Variants in CNTNAP4 observed in about 807,000 individuals in gnomAD.
CNTNAP4 encodes contactin-associated protein-like 4.
CNTNAP4 carries 98 observed loss-of-function variants against 148.4 expected under a neutral mutation model. That is an observed-to-expected ratio of 0.66 (90% CI 0.56 to 0.78). CNTNAP4 has a LOEUF of 0.78. CNTNAP4 is among the 30% of genes least tolerant of loss of function. The pLI is 0.00. For missense variants in CNTNAP4, 1,935 were observed against 1,565.6 expected (o/e 1.24, Z -3.98); for synonymous variants, 730 against 565.1 (o/e 1.29, Z -4.14).
chr16:76,494,084 C>CT (rs35209511), intron 13 of CNTNAP4, among the ~76,000 whole-genome samples: 123,790 of 149,024 alleles, frequency 0.83, 52,165 homozygotes, highest in East Asian at 0.94. Context: ...TTCCTCCATA[C>CT]TTTTTTTTTT....
intron 4 of CNTNAP4, among the ~76,000 whole-genome samples, chr16:76,428,255 T>G (rs980482833): frequency 1.3e-5 from 2 of 152,260 alleles, no homozygotes; most frequent in Admixed American, 1.3e-4. Flanking sequence ...TCAAGCCACA[T>G]TATCCTGTTA....
intron 1 of CNTNAP4, among the ~76,000 whole-genome samples, chr16:76,312,576 A>C (rs1185102758): frequency 6.6e-6 from 1 of 152,196 alleles, no homozygotes; most frequent in Non-Finnish European, 1.5e-5. Flanking sequence ...AATGGGAAAT[A>C]AAAAAATAGC....
intron 3 of CNTNAP4, among the ~76,000 whole-genome samples, chr16:76,371,900 A>G (rs1011278833): frequency 3.9e-5 from 6 of 152,192 alleles, no homozygotes; most frequent in Admixed American, 3.3e-4. Context: ...TTCCAAACAC[A>G]ATCAAGTCAC....
Position 76,341,991 on chromosome 16 carries a change from G to A in CNTNAP4, c.197-13327G>A, listed in dbSNP as rs543642032. Reference sequence around the variant, plus strand: ...CATGACTTCTGATCTAGATGTTTTTGCTGATGAGTTTTCTCTCAGTTCATT... The same window carrying A: ...CATGACTTCTGATCTAGATGTTTTTACTGATGAGTTTTCTCTCAGTTCATT... On this transcript the variant is annotated intron_variant, in intron 2 of 23. Coordinates refer to ENST00000611870, the MANE Select transcript of CNTNAP4 (RefSeq NM_033401.5). Among the ~76,000 whole-genome samples, 3 of 152,290 alleles carry A rather than the reference G, an allele frequency of 2.0e-5. No homozygotes were observed. The South Asian group carries it at 6.2e-4, about 32-fold the overall frequency.
intron 12 of CNTNAP4, among the ~76,000 whole-genome samples, chr16:76,481,148 A>T (rs2081813107): frequency 6.6e-6 from 1 of 152,200 alleles, no homozygotes; most frequent in African/African-American, 2.4e-5. Context: ...TGAAGGAAAG[A>T]TGGTCTTTTC....
At chr16:76,347,746 T>A (rs924380025) in intron 2 of CNTNAP4, among the ~76,000 whole-genome samples, 4 of 152,108 alleles carry the variant, frequency 2.6e-5, no homozygotes, top group Non-Finnish European at 5.9e-5. Context: ...AAATGACTGA[T>A]GTTCAGTTTA....
At chr16:76,537,268 A>G (rs186149847) in intron 18 of CNTNAP4, among the ~76,000 whole-genome samples, 1 of 152,202 alleles carries the variant, frequency 6.6e-6, no homozygotes, top group African/African-American at 2.4e-5. Flanking sequence ...TAATGAAACA[A>G]TTAAAAACTC....
chr16:76,360,879 C>T (rs1052255072), intron 3 of CNTNAP4, among the ~76,000 whole-genome samples: 15 of 146,128 alleles, frequency 1.0e-4, no homozygotes, highest in Admixed American at 2.1e-4. Context: ...TGCAGTGGCA[C>T]GATCTCGGCT....
chr16:76,530,420 T>A (rs1452292798), intron 17 of CNTNAP4, among the ~76,000 whole-genome samples: 11 of 152,150 alleles, frequency 7.2e-5, no homozygotes, highest in Admixed American at 7.2e-4. Context: ...CTATATCCAG[T>A]AGGTAAATCT....
At chr16:76,278,457 T>C (rs1407139056) in intron 1 of CNTNAP4, among the ~76,000 whole-genome samples, 2 of 152,246 alleles carry the variant, frequency 1.3e-5, no homozygotes, top group African/African-American at 4.8e-5. Context: ...AATGTTCTGA[T>C]GAAATAGAAC....
At chr16:76,340,852 A>G (rs879841290) in intron 2 of CNTNAP4, among the ~76,000 whole-genome samples, 2 of 152,208 alleles carry the variant, frequency 1.3e-5, no homozygotes, top group Non-Finnish European at 2.9e-5. Flanking sequence ...ATATGTCTGC[A>G]CTGCCAATCA....
chr16:76,419,229 C>CT (rs1333758452), intron 3 of CNTNAP4, among the ~76,000 whole-genome samples: 2 of 151,818 alleles, frequency 1.3e-5, no homozygotes, highest in Admixed American at 6.6e-5. Flanking sequence ...ACTCCTGTTG[C>CT]TTTTTTTTCC....
intron 10 of CNTNAP4, among the ~76,000 whole-genome samples, chr16:76,474,886 GA>G (rs1045955408): frequency 6.6e-6 from 1 of 151,916 alleles, no homozygotes; most frequent in African/African-American, 2.4e-5. Flanking sequence ...GGAGCCTTTT[GA>G]AAAAAATAAT....
intron 1 of CNTNAP4, among the ~76,000 whole-genome samples, chr16:76,310,450 C>G (rs1220601759): frequency 2.0e-5 from 3 of 152,024 alleles, no homozygotes; most frequent in Non-Finnish European, 4.4e-5. Flanking sequence ...ATGTTTTGTT[C>G]AGGAAAATAG....
chr16:76,557,076 T>A (rs952697608), intron 23 of CNTNAP4, among the ~76,000 whole-genome samples: 3 of 152,224 alleles, frequency 2.0e-5, no homozygotes, highest in Admixed American at 6.5e-5. Flanking sequence ...ATAGTACCTA[T>A]TTTTGTCTTA....
intron 3 of CNTNAP4, among the ~76,000 whole-genome samples, chr16:76,418,200 A>T (rs2079053568): frequency 6.6e-6 from 1 of 151,390 alleles, no homozygotes; most frequent in South Asian, 2.1e-4. Context: ...TATTTCTTTG[A>T]TCTATTATCT....
At chr16:76,330,792 A>C (rs924991368) in intron 2 of CNTNAP4, among the ~76,000 whole-genome samples, 90 of 152,252 alleles carry the variant, frequency 5.9e-4, no homozygotes, top group African/African-American at 2.1e-3. Flanking sequence ...GCAGAAAAGC[A>C]TAAGTGAAAA....
rs368882694 is a variant in CNTNAP4 at position 76,422,877 on chromosome 16, T to C, written c.391-4575T>C. ...CATAGAACGCAATCACTAGTTGTTA[T>C]GGTCCAAATATTTGTGTCTCCCCAA... On this transcript the variant is annotated intron_variant, in intron 3 of 23. Transcript: ENST00000611870. Among the ~76,000 whole-genome samples, 12 of 152,302 alleles carry C rather than the reference T, an allele frequency of 7.9e-5. No individual in the cohort carries two copies. The East Asian group carries it at 2.3e-3, about 29-fold the overall frequency.
At chr16:76,289,817 C>T (rs539372590) in intron 1 of CNTNAP4, among the ~76,000 whole-genome samples, 1 of 152,058 alleles carries the variant, frequency 6.6e-6, no homozygotes, top group East Asian at 1.9e-4. Context: ...GTGATCCACC[C>T]GCCTCAGCCT....
Sources: gnomAD v4.1 joint callset for allele counts (sites outside exome capture counted in the v4.1 genomes callset) on GRCh38, gnomAD v4.1.1 for gene constraint, MANE v1.5 for transcripts, NCBI Gene and HGNC (gene_info 2026-07-23, HGNC 2026-07-21) for gene names.